Variants in NFE2L2 observed in about 807,000 individuals in gnomAD.
The protein encoded by NFE2L2 is nuclear factor erythroid 2-related factor 2.
A neutral mutation model predicts 49.6 loss-of-function variants in NFE2L2; 20 were observed. The ratio of observed to expected loss-of-function variants is 0.40; its 90% confidence interval spans 0.28 to 0.59. The LOEUF (loss-of-function observed/expected upper bound fraction) is 0.59. NFE2L2 is among the 20% of genes least tolerant of loss of function. The pLI, the probability that NFE2L2 is intolerant of heterozygous loss-of-function variation, is 0.40. For missense variants in NFE2L2, 578 were observed against 714.2 expected (o/e 0.81, Z 2.17); for synonymous variants, 244 against 256.5 (o/e 0.95, Z 0.47).
intron 1 of NFE2L2, among the ~76,000 whole-genome samples, chr2:177,237,879 C>T (rs2364719): frequency 1 from 152,240 of 152,328 alleles, 76,078 homozygotes; most frequent in Non-Finnish European, 1. Context: ...AATCTAGATA[C>T]ATAGCAGGGT....
At chr2:177,263,666 C>G in intron 1 of NFE2L2, 3 of 985,522 alleles carry the variant, frequency 3.0e-6, no homozygotes, top group Non-Finnish European at 2.4e-6. Flanking sequence ...CAGGGGGCAC[C>G]GCGTCCGAAC....
chr2:177,257,607 A>G (rs1690572774), intron 1 of NFE2L2, among the ~76,000 whole-genome samples: 1 of 152,216 alleles, frequency 6.6e-6, no homozygotes, highest in African/African-American at 2.4e-5. Flanking sequence ...ATATACTTCA[A>G]TGGATACCAA....
chr2:177,261,584 T>A (rs780452923), intron 1 of NFE2L2, among the ~76,000 whole-genome samples: 5 of 152,200 alleles, frequency 3.3e-5, no homozygotes, highest in Non-Finnish European at 7.3e-5. Context: ...GGCCTTTCTC[T>A]ATGCCTCTCT....
chr2:177,262,092 A>G (rs1690764201), intron 1 of NFE2L2, among the ~76,000 whole-genome samples: 1 of 152,248 alleles, frequency 6.6e-6, no homozygotes, highest in Admixed American at 6.5e-5. Flanking sequence ...GTTATTTTTA[A>G]TGCGTAAAAG....
rs2105452178 is a variant in NFE2L2, at chr2:177,231,318, C to A, written c.1285G>T (p.Glu429Ter). ...DAQCENTPEK[E>*]LPVSPGHRKT... Reference sequence around the variant, plus strand: ...CGATGACCAGGACTTACAGGCAATTCTTTCTCTGGTGTGTTCTCACATTGG... The same window carrying A: ...CGATGACCAGGACTTACAGGCAATTATTTCTCTGGTGTGTTCTCACATTGG... The change falls in exon 5 of 5, where the codon GAA becomes TAA. Residue 429 changes from glutamate to a stop codon, truncating the protein, a stop_gained. Transcript: ENST00000397062. LOFTEE classifies it high-confidence loss of function. The A allele has an allele frequency of 6.2e-7, 1 of 1,614,282 alleles. No individual in the cohort carries two copies. Among genetic ancestry groups the A allele is most frequent in the Non-Finnish European group, 8.5e-7 (1 of 1,180,054 alleles).
intron 3 of NFE2L2, chr2:177,232,955 A>G: frequency 2.0e-6 from 1 of 491,120 alleles, no homozygotes; most frequent in Non-Finnish European, 3.6e-6. Context: ...CCTCTTAGAT[A>G]CTTGCAGCAA....
chr2:177,236,416 T>TA (rs1463673321), intron 1 of NFE2L2, among the ~76,000 whole-genome samples: 5 of 152,246 alleles, frequency 3.3e-5, no homozygotes, highest in African/African-American at 1.2e-4. Flanking sequence ...CACTTGTAGT[T>TA]AGGTATACCT....
chr2:177,253,935 G>A (rs978914553), intron 1 of NFE2L2, among the ~76,000 whole-genome samples: 2 of 152,132 alleles, frequency 1.3e-5, no homozygotes, highest in African/African-American at 4.8e-5. Flanking sequence ...TTTTCTTAGC[G>A]GATTCTAGTT....
At position 177,258,436 on chromosome 2, in the gene NFE2L2, C is replaced by A. The variant is rs527418815; in HGVS notation, c.45+6096G>T. 7.9e-5 allele frequency among the ~76,000 whole-genome samples: 12 copies of A among 152,102 alleles called. No individual in the cohort carries two copies. The South Asian group carries it at 1.9e-3, about 24-fold the overall frequency. ...AAATAACTGAGTAGTTACCAGGGGC[C>A]AGGAGAGTTGAGGGGAAATGGGAAG... is the stretch of plus-strand genomic sequence containing the variant. On this transcript the variant is annotated intron_variant, in intron 1 of 4. Coordinates refer to ENST00000397062, the MANE Select transcript of NFE2L2 (RefSeq NM_006164.5).
At chr2:177,250,098 A>T (rs906433158) in intron 1 of NFE2L2, among the ~76,000 whole-genome samples, 4 of 152,254 alleles carry the variant, frequency 2.6e-5, no homozygotes, top group African/African-American at 9.6e-5. Flanking sequence ...CTACTCAATA[A>T]CCTGAAAGAA....
chr2:177,259,278 G>C (rs903465416), intron 1 of NFE2L2, among the ~76,000 whole-genome samples: 3 of 151,962 alleles, frequency 2.0e-5, no homozygotes, highest in African/African-American at 7.3e-5. Context: ...CTCCAGCCTG[G>C]GTGACCGACT....
intron 1 of NFE2L2, among the ~76,000 whole-genome samples, chr2:177,259,638 A>C (rs1690656182): frequency 6.6e-6 from 1 of 151,626 alleles, no homozygotes. Flanking sequence ...GTCTGGTACA[A>C]GAAATCCATC....
At chr2:177,260,850 A>T (rs1690706512) in intron 1 of NFE2L2, among the ~76,000 whole-genome samples, 1 of 152,224 alleles carries the variant, frequency 6.6e-6, no homozygotes, top group African/African-American at 2.4e-5. Context: ...ACATTGCCAA[A>T]CATCAGAAAT....
chr2:177,264,246 A>C, intron 1 of NFE2L2: 5 of 351,928 alleles, frequency 1.4e-5, no homozygotes, highest in Admixed American at 5.0e-5. Context: ...ACGCGGCTGG[A>C]TTCTCCCCCA....
chr2:177,246,286 A>C (rs1057485868), intron 1 of NFE2L2, among the ~76,000 whole-genome samples: 1 of 152,146 alleles, frequency 6.6e-6, no homozygotes, highest in African/African-American at 2.4e-5. Flanking sequence ...TCTTCCCATA[A>C]AGCCAGTAAT....
At chr2:177,238,117 C>CTTG (rs758985905) in intron 1 of NFE2L2, among the ~76,000 whole-genome samples, 20 of 152,210 alleles carry the variant, frequency 1.3e-4, no homozygotes, top group Non-Finnish European at 2.8e-4. Flanking sequence ...AACTCAAATA[C>CTTG]TTGTCCCTGT....
chr2:177,238,819 T>C (rs1689845651), intron 1 of NFE2L2, among the ~76,000 whole-genome samples: 3 of 152,252 alleles, frequency 2.0e-5, no homozygotes, highest in African/African-American at 7.2e-5. Flanking sequence ...AGGATTTTGA[T>C]CTCAGAGATT....
chr2:177,239,155 A>T (rs1361201535), intron 1 of NFE2L2, among the ~76,000 whole-genome samples: 2 of 152,206 alleles, frequency 1.3e-5, no homozygotes, highest in Admixed American at 6.5e-5. Context: ...TAAGACATGA[A>T]GCATTATTTA....
chr2:177,232,482 A>G lies in NFE2L2; in HGVS notation c.504T>C (p.Ser168=). The change falls in exon 4 of 5, where the codon TCT becomes TCC. Residue 168 remains serine (S), a synonymous_variant. Transcript: ENST00000397062. ...AATCAACAGGGGCTACCTGAGCAACAGAAGTTTCAGGTGACTGAGCCTGAT... is the reference window on the plus strand; with the variant it reads ...AATCAACAGGGGCTACCTGAGCAACGGAAGTTTCAGGTGACTGAGCCTGAT... ...ATNQAQSPET[S]VAQVAPVDLD... The G allele has an allele frequency of 1.2e-6, 2 of 1,614,184 alleles. No homozygotes were observed. The highest frequency in any genetic ancestry group is 1.1e-5 in the South Asian group (1 of 91,084).
Sources: gnomAD v4.1 joint callset for allele counts (sites outside exome capture counted in the v4.1 genomes callset) on GRCh38, gnomAD v4.1.1 for gene constraint, MANE v1.5 for transcripts, NCBI Gene and HGNC (gene_info 2026-07-23, HGNC 2026-07-21) for gene names.